Variants in CCSER1 observed in about 807,000 individuals in gnomAD.
CCSER1 encodes coiled-coil serine rich protein 1, also known as serine-rich coiled-coil domain-containing protein 1.
A neutral mutation model predicts 82.0 loss-of-function variants in CCSER1; 41 were observed. The ratio of observed to expected loss-of-function variants is 0.50; its 90% CI spans 0.39 to 0.65. CCSER1 has a LOEUF of 0.65. CCSER1 is among the 30% of genes least tolerant of loss of function. CCSER1 has a pLI of 0.00. For synonymous variants in CCSER1, 414 were observed against 383.9 expected, an observed-to-expected ratio of 1.08 and a Z score of -0.92; for missense variants, 1,119 against 1,064.2, an observed-to-expected ratio of 1.05 and a Z score of -0.72.
rs376895965 is a variant in CCSER1 at position 90,434,790 on chromosome 4, G to T, written c.1604-33444G>T. 1.1e-4 allele frequency among the ~76,000 whole-genome samples: 17 copies of T among 152,292 alleles called. No individual in the cohort carries two copies. In the East Asian group the frequency reaches 1.9e-3, roughly 17 times the overall value. On this transcript the variant is annotated intron_variant, in intron 4 of 10. Coordinates refer to ENST00000509176, the MANE Select transcript of CCSER1 (RefSeq NM_001145065.2). ...TATTAGTAGTTGGGGATTTGGTAAAGATTTTCTATGTAGGGACAGACTATG... is the reference window on the plus strand; with the variant it reads ...TATTAGTAGTTGGGGATTTGGTAAATATTTTCTATGTAGGGACAGACTATG...
intron 10 of CCSER1, among the ~76,000 whole-genome samples, chr4:91,371,915 G>A (rs34046061): frequency 0.089 from 13,509 of 152,160 alleles, 792 homozygotes; most frequent in Non-Finnish European, 0.13. Flanking sequence ...GACACAGGGG[G>A]CATAATAAGA....
chr4:90,773,600 C>A (rs1231214009), intron 7 of CCSER1, among the ~76,000 whole-genome samples: 1 of 152,144 alleles, frequency 6.6e-6, no homozygotes, highest in East Asian at 1.9e-4. Flanking sequence ...TAAGATTAGA[C>A]TTTATCCACC....
At position 91,528,420 on chromosome 4, in the gene CCSER1, A is replaced by G. The variant is rs948901953; in HGVS notation, c.2218-70152A>G. The stretch of plus-strand genomic sequence containing the variant: ...AACATACAGCTAATAACCAACACAC[A>G]AATAAACAGCATGTTATTTAAAAAG... On this transcript the variant is annotated intron_variant, in intron 10 of 10. Transcript: ENST00000509176. Among the ~76,000 whole-genome samples the G allele has an allele frequency of 3.3e-5, 5 of 152,312 alleles. No individual in the cohort carries two copies. In the East Asian group the frequency reaches 7.7e-4, roughly 24 times the overall value.
chr4:90,311,457 G>T (rs888544542), intron 2 of CCSER1, among the ~76,000 whole-genome samples: 1 of 151,886 alleles, frequency 6.6e-6, no homozygotes, highest in Non-Finnish European at 1.5e-5. Context: ...TAAATAAGCT[G>T]GTAATGTCAA....
chr4:91,362,426 T>C (rs920477213), intron 10 of CCSER1, among the ~76,000 whole-genome samples: 7 of 151,840 alleles, frequency 4.6e-5, no homozygotes, highest in African/African-American at 1.7e-4. Context: ...GTAGGATCTC[T>C]GAGTCCAGAT....
chr4:90,356,173 C>CTA (rs1744347663), intron 3 of CCSER1, among the ~76,000 whole-genome samples: 1 of 151,802 alleles, frequency 6.6e-6, no homozygotes, highest in South Asian at 2.1e-4. Flanking sequence ...ATCAAACACA[C>CTA]TATATATATC....
intron 6 of CCSER1, among the ~76,000 whole-genome samples, chr4:90,657,421 G>A (rs116213677): frequency 0.014 from 2,146 of 152,026 alleles, 53 homozygotes; most frequent in African/African-American, 0.05. Flanking sequence ...TACATCTGTG[G>A]CTAGTTTTTA....
At chr4:90,598,908 A>G (rs1783699368) in intron 5 of CCSER1, among the ~76,000 whole-genome samples, 2 of 152,302 alleles carry the variant, frequency 1.3e-5, no homozygotes, top group Non-Finnish European at 2.9e-5. Context: ...GTGTGAGAGC[A>G]TGGTGCAATG....
chr4:90,303,127 A>C (rs1733502070), intron 1 of CCSER1, among the ~76,000 whole-genome samples: 1 of 152,200 alleles, frequency 6.6e-6, no homozygotes. Flanking sequence ...ATGTGCAGAT[A>C]TCTTTTAGTA....
chr4:91,553,203 T>A, intron 10 of CCSER1, among the ~76,000 whole-genome samples: 1 of 151,666 alleles, frequency 6.6e-6, no homozygotes, highest in East Asian at 1.9e-4. Flanking sequence ...TCACATTTTT[T>A]GACTTGCAGA....
At chr4:90,466,225 A>G (rs993274826) in intron 4 of CCSER1, among the ~76,000 whole-genome samples, 1 of 152,250 alleles carries the variant, frequency 6.6e-6, no homozygotes, top group African/African-American at 2.4e-5. Flanking sequence ...TGAGCCCTTT[A>G]AAAGCAGAAA....
intron 10 of CCSER1, among the ~76,000 whole-genome samples, chr4:91,438,318 G>T (rs903591676): frequency 6.6e-6 from 1 of 152,168 alleles, no homozygotes; most frequent in Non-Finnish European, 1.5e-5. Flanking sequence ...CAGCATTCGC[G>T]GTTCATGAAA....
At chr4:90,553,108 T>C (rs1428687413) in intron 5 of CCSER1, among the ~76,000 whole-genome samples, 1 of 152,080 alleles carries the variant, frequency 6.6e-6, no homozygotes, top group African/African-American at 2.4e-5. Context: ...TAGCTGAGAC[T>C]ACAGGCACAC....
intron 9 of CCSER1, among the ~76,000 whole-genome samples, chr4:91,028,008 G>T (rs1437197639): frequency 6.6e-6 from 1 of 151,894 alleles, no homozygotes; most frequent in Admixed American, 6.6e-5. Context: ...AGAAGAGGGG[G>T]TAAGAGAAAC....
Position 91,360,895 on chromosome 4 carries a change from T to C in CCSER1, c.2218-237677T>C, listed in dbSNP as rs550966833. On this transcript the variant is annotated intron_variant, in intron 10 of 10. Transcript: ENST00000509176. Reference sequence around the variant, plus strand: ...AAATCAGTAATAGGATGGAGGAGGTTATAAATGAGCCAGGATTTTGAATAT... The same window carrying C: ...AAATCAGTAATAGGATGGAGGAGGTCATAAATGAGCCAGGATTTTGAATAT... Among the ~76,000 whole-genome samples, 93 of 151,912 alleles carry C rather than the reference T, an allele frequency of 6.1e-4. 2 individuals are homozygous for C. The highest frequency in any genetic ancestry group is 1.1e-3 in the Non-Finnish European group (77 of 67,826).
At chr4:91,578,082 G>A (rs1012276918) in intron 10 of CCSER1, among the ~76,000 whole-genome samples, 2 of 151,928 alleles carry the variant, frequency 1.3e-5, no homozygotes, top group African/African-American at 4.8e-5. Flanking sequence ...GGGCTGCTTT[G>A]CATAGCCCCA....
At chr4:90,439,758 T>G (rs1759581880) in intron 4 of CCSER1, among the ~76,000 whole-genome samples, 1 of 152,186 alleles carries the variant, frequency 6.6e-6, no homozygotes, top group African/African-American at 2.4e-5. Context: ...CTGGACTGGA[T>G]TAGAGTGCAG....
chr4:91,132,800 T>C (rs1425393388), intron 10 of CCSER1, among the ~76,000 whole-genome samples: 1 of 152,178 alleles, frequency 6.6e-6, no homozygotes, highest in Non-Finnish European at 1.5e-5. Flanking sequence ...AGAAACAATT[T>C]CAAATGTAAG....
At chr4:91,074,751 C>T (rs1381586043) in intron 9 of CCSER1, among the ~76,000 whole-genome samples, 2 of 152,180 alleles carry the variant, frequency 1.3e-5, no homozygotes, top group Non-Finnish European at 2.9e-5. Context: ...CCTGTGCCTT[C>T]ACGGCTAAAG....
Sources: gnomAD v4.1 joint callset for allele counts (sites outside exome capture counted in the v4.1 genomes callset) on GRCh38, gnomAD v4.1.1 for gene constraint, MANE v1.5 for transcripts, NCBI Gene and HGNC (gene_info 2026-07-23, HGNC 2026-07-21) for gene names.